The following BANP variants were observed in gnomAD, a reference collection of about 807,000 sequenced individuals.
The protein encoded by BANP is BTG3 associated nuclear protein.
BANP carries 11 observed loss-of-function variants against 68.1 expected under a neutral mutation model. The ratio of observed to expected loss-of-function variants is 0.16; its 90% CI spans 0.10 to 0.27. BANP has a LOEUF of 0.27. Among genes scored for constraint, BANP ranks in the 10% least tolerant of loss-of-function variants. The pLI, the probability that BANP is intolerant of heterozygous loss-of-function variation, is 1.00. For synonymous variants in BANP, 329 were observed against 303.2 expected (o/e 1.09, Z -0.88); for missense variants, 504 against 722.7 (o/e 0.70, Z 3.47).
chr16:87,987,712 CAAAAAAAAAAAAA>C (rs66648819), intron 4 of BANP, among the ~76,000 whole-genome samples: 3 of 30,368 alleles, frequency 9.9e-5, no homozygotes, highest in Non-Finnish European at 1.7e-4. Flanking sequence ...GACCCTAACT[CAAAAAAAAAAAAA>C]AAAAAAAAAA....
intron 13 of BANP, among the ~76,000 whole-genome samples, chr16:88,072,721 T>C (rs1214523103): frequency 6.6e-6 from 1 of 152,182 alleles, no homozygotes; most frequent in African/African-American, 2.4e-5. Flanking sequence ...CCCCCGAGGG[T>C]GAGGCCGTGC....
intron 2 of BANP, among the ~76,000 whole-genome samples, chr16:87,980,183 C>G (rs370427420): frequency 2.6e-5 from 4 of 152,176 alleles, no homozygotes; most frequent in African/African-American, 9.7e-5. Context: ...ACACAATGTA[C>G]AATCTTTAAC....
Position 88,018,323 on chromosome 16 carries a change from G to A in BANP, c.656-105G>A. The A allele has an allele frequency of 2.1e-6, 3 of 1,417,616 alleles. No individual in the cohort carries two copies. The highest frequency in any genetic ancestry group is 2.6e-5 in the South Asian group (2 of 76,606). 87.8% of individuals were successfully genotyped at this position (1,417,616 alleles called of 1,614,324 possible). ...AGTTACGAGGGATTTGCCCAGCCCT[G>A]CGTGGAGCATCTTTCCCGACTGTGC... On this transcript the variant is annotated intron_variant, in intron 6 of 13. Transcript: ENST00000682872. This position sits in a 1 kb window ranked among gnomAD's most constrained non-coding sequence, Gnocchi z 7.7.
chr16:87,994,012 G>A (rs1333436181), intron 4 of BANP, among the ~76,000 whole-genome samples: 2 of 152,148 alleles, frequency 1.3e-5, no homozygotes, highest in Admixed American at 1.3e-4. Flanking sequence ...TGACGTTAGA[G>A]ACCAGGATGC....
chr16:87,968,701 T>C (rs12920047), intron 1 of BANP, among the ~76,000 whole-genome samples: 102,329 of 151,732 alleles, frequency 0.67, 35,299 homozygotes, highest in African/African-American at 0.8. Context: ...TCAGTCAGGC[T>C]ATGTGGTTTC....
intron 10 of BANP, chr16:88,037,686 A>G: frequency 2.2e-6 from 1 of 444,754 alleles, no homozygotes; most frequent in Non-Finnish European, 4.1e-6. Context: ...AGATTCTTTC[A>G]AAATAAAAAA....
intron 1 of BANP, among the ~76,000 whole-genome samples, chr16:87,965,056 C>G (rs2059792157): frequency 6.6e-6 from 1 of 152,172 alleles, no homozygotes; most frequent in Non-Finnish European, 1.5e-5. Flanking sequence ...AAGCCACAGA[C>G]TGATGAGCCG....
chr16:88,043,077 T>C (rs1690413549), intron 11 of BANP, among the ~76,000 whole-genome samples: 1 of 152,216 alleles, frequency 6.6e-6, no homozygotes, highest in Non-Finnish European at 1.5e-5. Context: ...AGTGAGAGTC[T>C]CAGTCTCGGG....
intron 1 of BANP, among the ~76,000 whole-genome samples, chr16:87,974,789 G>T (rs1597965924): frequency 6.6e-6 from 1 of 152,152 alleles, no homozygotes; most frequent in East Asian, 1.9e-4. Context: ...GGAAGGGCAT[G>T]AGGAACACAG....
intron 1 of BANP, among the ~76,000 whole-genome samples, chr16:87,970,768 C>A (rs1263796166): frequency 6.6e-6 from 1 of 152,120 alleles, no homozygotes; most frequent in Non-Finnish European, 1.5e-5. Context: ...CCTGTCATCC[C>A]AGCACTTTGG....
At chr16:88,028,163 G>C (rs1259841767) in intron 8 of BANP, among the ~76,000 whole-genome samples, 1 of 152,050 alleles carries the variant, frequency 6.6e-6, no homozygotes, top group African/African-American at 2.4e-5. Flanking sequence ...AATGTGACTT[G>C]ATACTGCCTT....
At chr16:87,969,439 C>T (rs772301593) in intron 1 of BANP, among the ~76,000 whole-genome samples, 1 of 151,824 alleles carries the variant, frequency 6.6e-6, no homozygotes, top group Admixed American at 6.6e-5. Context: ...TATCTTCTGG[C>T]GAAGTGTGTC....
At position 88,004,930 on chromosome 16, in the gene BANP, G is replaced by A. The variant is rs894652748; in HGVS notation, c.479+519G>A. Reference sequence around the variant, plus strand: ...CTCTGTGTGAGGGGAAGGCTGTGCAGTGGCCTCTGGCTGGCATCCAAGCCC... The same window carrying A: ...CTCTGTGTGAGGGGAAGGCTGTGCAATGGCCTCTGGCTGGCATCCAAGCCC... On this transcript the variant is annotated intron_variant, in intron 5 of 13. Coordinates refer to ENST00000682872, the MANE Select transcript of BANP (RefSeq NM_001386991.1). The surrounding 1 kb of genome is among the most constrained non-coding windows in gnomAD (Gnocchi z 7.0). 2.0e-5 allele frequency among the ~76,000 whole-genome samples: 3 copies of A among 152,234 alleles called. No homozygotes were observed. Among genetic ancestry groups the A allele is most frequent in the African/African-American group, 7.2e-5 (3 of 41,462 alleles).
At chr16:87,984,994 C>T (rs568197498) in intron 4 of BANP, among the ~76,000 whole-genome samples, 54 of 152,292 alleles carry the variant, frequency 3.5e-4, no homozygotes, top group African/African-American at 1.2e-3. Context: ...GCCTTCTGCC[C>T]GGTGTGTCTG....
chr16:88,033,285 T>C (rs1347526985), intron 9 of BANP, 40 bp downstream of exon 9: 3 of 1,501,546 alleles, frequency 2.0e-6, no homozygotes, highest in African/African-American at 1.4e-5. Context: ...GAAAGGGGGC[T>C]GCGGGGTGGG....
intron 4 of BANP, among the ~76,000 whole-genome samples, chr16:87,993,809 C>G (rs1193888370): frequency 2.6e-5 from 4 of 152,122 alleles, no homozygotes; most frequent in Non-Finnish European, 5.9e-5. Flanking sequence ...CCATGTTGAC[C>G]AGGCTGGTCT....
intron 3 of BANP, among the ~76,000 whole-genome samples, chr16:87,982,280 C>T (rs934933464): frequency 2.6e-5 from 4 of 152,270 alleles, no homozygotes; most frequent in Middle Eastern, 3.4e-3. Context: ...GGTGGGCCCC[C>T]GGTTGAATGT....
chr16:87,988,857 G>C (rs1256240135), intron 4 of BANP, among the ~76,000 whole-genome samples: 3 of 152,200 alleles, frequency 2.0e-5, no homozygotes, highest in Non-Finnish European at 4.4e-5. Context: ...TCAAGGGCGG[G>C]CACAGCCTTG....
chr16:88,046,312 C>G (rs951529913), intron 11 of BANP, among the ~76,000 whole-genome samples: 1 of 152,226 alleles, frequency 6.6e-6, no homozygotes, highest in African/African-American at 2.4e-5. Context: ...GAAGTATCGT[C>G]TTGTGAAAAT....
Sources: allele counts gnomAD v4.1 joint callset (sites outside exome capture counted in the v4.1 genomes callset), GRCh38; gene constraint gnomAD v4.1.1; non-coding constraint Gnocchi (gnomAD v3.1); transcripts MANE v1.5; gene names NCBI Gene and HGNC (gene_info 2026-07-23, HGNC 2026-07-21).